SGCD: variants seen among roughly 807,000 people sequenced by gnomAD.
SGCD encodes delta-sarcoglycan.
Under a neutral mutation model 36.6 loss-of-function variants are expected in SGCD, and 18 were observed. The ratio of observed to expected loss-of-function variants is 0.49; its 90% CI spans 0.34 to 0.73. The LOEUF is 0.73. Ranked by LOEUF, SGCD falls within the 30% of genes least tolerant of loss-of-function variation. The pLI is 0.01. For missense variants in SGCD, 387 were observed against 346.7 expected, an observed-to-expected ratio of 1.12 and a Z score of -0.92; for synonymous variants, 133 against 130.6, an observed-to-expected ratio of 1.02 and a Z score of -0.12.
intron 2 of SGCD, among the ~76,000 whole-genome samples, chr5:156,119,711 C>G (rs1218680464): frequency 1.3e-5 from 2 of 152,134 alleles, no homozygotes; most frequent in Non-Finnish European, 2.9e-5. Flanking sequence ...CCCACTCTCC[C>G]TGGTTTTGCC....
At chr5:155,882,354 C>T (rs1170637231) in intron 1 of SGCD, among the ~76,000 whole-genome samples, 1 of 152,134 alleles carries the variant, frequency 6.6e-6, no homozygotes, top group African/African-American at 2.4e-5. Flanking sequence ...TCTGAGATTA[C>T]AGACATGAGC....
intron 1 of SGCD, among the ~76,000 whole-genome samples, chr5:156,072,395 A>C (rs1235056422): frequency 2.6e-5 from 4 of 151,988 alleles, no homozygotes; most frequent in African/African-American, 9.7e-5. Context: ...TATGAAGCTT[A>C]ATTTGGCTGG....
chr5:156,574,970 G>A (rs964096998), intron 4 of SGCD, among the ~76,000 whole-genome samples: 1 of 152,124 alleles, frequency 6.6e-6, no homozygotes, highest in African/African-American at 2.4e-5. Context: ...AATGTGTGGG[G>A]GCCAGCCACA....
rs201119142 is a variant in SGCD, at chr5:156,558,121, ATATT to A, written c.295-31109_295-31106del. 1.3e-3 allele frequency among the ~76,000 whole-genome samples: 156 copies of A among 124,068 alleles called. 1 individual carries two copies. The highest frequency in any genetic ancestry group is 2.7e-3 in the South Asian group (10 of 3,714). 81.4% of individuals were successfully genotyped at this position (124,068 alleles called of 152,430 possible). ...TATATATATATATATATATATATAT[ATATT>A]ATTTAACTCTCTTTTAAAGGCAGTT... On this transcript the variant is annotated intron_variant, in intron 4 of 8. Transcript: ENST00000337851.
chr5:156,601,233 T>C (rs1048158512), intron 6 of SGCD, among the ~76,000 whole-genome samples: 3 of 152,206 alleles, frequency 2.0e-5, no homozygotes, highest in African/African-American at 7.2e-5. Flanking sequence ...CATGAAGTAT[T>C]TTCTCTACGC....
intron 1 of SGCD, among the ~76,000 whole-genome samples, chr5:155,939,893 G>A (rs1345114573): frequency 6.6e-6 from 1 of 150,442 alleles, no homozygotes; most frequent in Admixed American, 6.6e-5. Context: ...GAGTGCAATG[G>A]TAAGATCTCA....
chr5:156,417,200 C>T (rs1561681732), intron 3 of SGCD, among the ~76,000 whole-genome samples: 5 of 152,088 alleles, frequency 3.3e-5, no homozygotes, highest in Admixed American at 2.0e-4. Flanking sequence ...CATCTCATTC[C>T]CCAAGGAAAA....
At chr5:156,223,071 C>A (rs1480641449) in intron 3 of SGCD, among the ~76,000 whole-genome samples, 1 of 152,056 alleles carries the variant, frequency 6.6e-6, no homozygotes, top group Non-Finnish European at 1.5e-5. Context: ...TGAAAATAAG[C>A]CTTCTATTTG....
At chr5:155,991,303 T>G (rs1758428096) in intron 1 of SGCD, among the ~76,000 whole-genome samples, 1 of 152,232 alleles carries the variant, frequency 6.6e-6, no homozygotes, top group Non-Finnish European at 1.5e-5. Flanking sequence ...AGGCTTTCAC[T>G]GCTTTGTACA....
intron 4 of SGCD, among the ~76,000 whole-genome samples, chr5:156,583,865 G>T (rs886232489): frequency 6.6e-6 from 1 of 152,134 alleles, no homozygotes; most frequent in African/African-American, 2.4e-5. Context: ...ATGATTGTTT[G>T]GTAGATAGTG....
chr5:156,339,505 T>A (rs1768533406), intron 2 of SGCD, among the ~76,000 whole-genome samples: 1 of 152,230 alleles, frequency 6.6e-6, no homozygotes, highest in South Asian at 2.1e-4. Flanking sequence ...CATTTATTCA[T>A]TCATTGAACA....
intron 7 of SGCD, among the ~76,000 whole-genome samples, chr5:156,706,226 A>C (rs1019122407): frequency 1.3e-5 from 2 of 152,144 alleles, no homozygotes; most frequent in African/African-American, 2.4e-5. Context: ...GCATAAACTT[A>C]TTATCAGTTA....
At chr5:156,555,665 T>G (rs1415729631) in intron 4 of SGCD, among the ~76,000 whole-genome samples, 1 of 149,108 alleles carries the variant, frequency 6.7e-6, no homozygotes, top group Non-Finnish European at 1.5e-5. Context: ...GGCCTACAAA[T>G]TTGTTCTTTT....
intron 3 of SGCD, among the ~76,000 whole-genome samples, chr5:156,428,530 T>C (rs979916814): frequency 2.0e-5 from 3 of 152,126 alleles, no homozygotes; most frequent in Non-Finnish European, 4.4e-5. Context: ...TTTGTTTCAT[T>C]TTTATTTAGT....
At chr5:155,804,644 C>T in the SGCD span, among the ~76,000 whole-genome samples, 4 of 152,206 alleles carry the variant, frequency 2.6e-5, no homozygotes, top group African/African-American at 9.6e-5. Context: ...TGCTGTTTCT[C>T]CTGATGCCCT....
the SGCD span, among the ~76,000 whole-genome samples, chr5:155,773,757 G>A: frequency 7.3e-4 from 111 of 152,278 alleles, no homozygotes; most frequent in African/African-American, 2.5e-3. Flanking sequence ...ATCAAGGGTT[G>A]AAGAGTATTT....
chr5:155,732,176 T>A, the SGCD span, among the ~76,000 whole-genome samples: 1 of 152,208 alleles, frequency 6.6e-6, no homozygotes, highest in South Asian at 2.1e-4. Flanking sequence ...GCATTCTTCA[T>A]GTACTATCTG....
chr5:156,624,381 A>C (rs1400322701), intron 6 of SGCD, among the ~76,000 whole-genome samples: 1 of 152,154 alleles, frequency 6.6e-6, no homozygotes, highest in African/African-American at 2.4e-5. Flanking sequence ...GGAGATTGAG[A>C]CCATCCTGAC....
intron 1 of SGCD, among the ~76,000 whole-genome samples, chr5:156,011,670 C>T (rs1369682790): frequency 6.6e-6 from 1 of 152,122 alleles, no homozygotes; most frequent in African/African-American, 2.4e-5. Flanking sequence ...GAACTCCTGA[C>T]CTCGTGATCC....
Sources: allele counts gnomAD v4.1 joint callset (sites outside exome capture counted in the v4.1 genomes callset), GRCh38; gene constraint gnomAD v4.1.1; transcripts MANE v1.5; gene names NCBI Gene and HGNC (gene_info 2026-07-23, HGNC 2026-07-21).